UTS2: variants seen among roughly 807,000 people sequenced by gnomAD.
UTS2 encodes the protein urotensin 2, also known as urotensin-2.
Under a neutral mutation model 12.6 loss-of-function variants are expected in UTS2, and 10 were observed. The ratio of observed to expected loss-of-function variants is 0.80; its 90% confidence interval spans 0.49 to 1.35. The LOEUF (loss-of-function observed/expected upper bound fraction) is 1.35, where lower values mean the gene tolerates loss of function less well. Among genes scored for constraint, UTS2 ranks in the 40% most tolerant of loss-of-function variants. The pLI is 0.00. For missense variants in UTS2, 142 were observed against 143.2 expected (o/e 0.99, Z 0.04); for synonymous variants, 52 against 50.0 (o/e 1.04, Z -0.17).
the UTS2 span, among the ~76,000 whole-genome samples, chr1:7,911,384 G>A: frequency 6.6e-6 from 1 of 151,720 alleles, no homozygotes. Context: ...GCATTTACTG[G>A]GTGCTTGATT....
At chr1:7,905,916 G>A in the UTS2 span, among the ~76,000 whole-genome samples, 5 of 152,086 alleles carry the variant, frequency 3.3e-5, no homozygotes, top group South Asian at 2.1e-4. Flanking sequence ...GTGTCTTGCC[G>A]GGTGAGGGGT....
the UTS2 span, among the ~76,000 whole-genome samples, chr1:7,870,491 C>T: frequency 6.6e-6 from 1 of 152,206 alleles, no homozygotes; most frequent in East Asian, 1.9e-4. Context: ...AGACAGTATC[C>T]TTCACACTTC....
intron 2 of UTS2, among the ~76,000 whole-genome samples, chr1:7,849,970 A>ATTT (rs35419840): frequency 1.4e-4 from 20 of 140,578 alleles, no homozygotes; most frequent in Admixed American, 2.2e-4. Context: ...AAAGGCTCAA[A>ATTT]TTTTTTTTTT....
At chr1:7,852,579 A>T (rs1223826532) in intron 1 of UTS2, among the ~76,000 whole-genome samples, 2 of 152,216 alleles carry the variant, frequency 1.3e-5, no homozygotes, top group African/African-American at 4.8e-5. Flanking sequence ...AAAAACTAAA[A>T]GTAATGATGT....
the UTS2 span, among the ~76,000 whole-genome samples, chr1:7,889,992 G>A: frequency 0.24 from 36,880 of 151,728 alleles, 5,085 homozygotes; most frequent in African/African-American, 0.36. Context: ...GCTTGAACCC[G>A]GGAGGCGGAT....
At chr1:7,911,957 T>C in the UTS2 span, among the ~76,000 whole-genome samples, 1 of 151,828 alleles carries the variant, frequency 6.6e-6, no homozygotes, top group African/African-American at 2.4e-5. Context: ...GCTTGTTATA[T>C]ACCTTAAATA....
the UTS2 span, among the ~76,000 whole-genome samples, chr1:7,874,736 G>T: frequency 2.6e-5 from 4 of 152,004 alleles, no homozygotes; most frequent in Non-Finnish European, 5.9e-5. Context: ...CTCATCTCCA[G>T]TTGTAATCCA....
chr1:7,879,556 T>A, the UTS2 span, among the ~76,000 whole-genome samples: 2 of 152,054 alleles, frequency 1.3e-5, no homozygotes, highest in Admixed American at 1.3e-4. Context: ...GCCTATCCAA[T>A]ATGGAGACAC....
chr1:7,852,153 T>G (rs1015513446), intron 1 of UTS2, among the ~76,000 whole-genome samples: 3 of 134,888 alleles, frequency 2.2e-5, no homozygotes, highest in East Asian at 5.0e-4. Flanking sequence ...GGTTTGTTTG[T>G]TTTTTTTCTT....
the UTS2 span, among the ~76,000 whole-genome samples, chr1:7,899,308 CAG>C: frequency 1.3e-5 from 2 of 152,166 alleles, no homozygotes; most frequent in Non-Finnish European, 2.9e-5. Flanking sequence ...AGAAAGAAAA[CAG>C]AGGCCTGAGG....
chr1:7,864,397 C>T, the UTS2 span, among the ~76,000 whole-genome samples: 1 of 152,162 alleles, frequency 6.6e-6, no homozygotes, highest in Non-Finnish European at 1.5e-5. Context: ...TCCTCTGTCC[C>T]TCCCAAAGCA....
At chr1:7,879,614 G>A in the UTS2 span, among the ~76,000 whole-genome samples, 26 of 151,984 alleles carry the variant, frequency 1.7e-4, no homozygotes, top group African/African-American at 5.1e-4. Flanking sequence ...GGTGGCACAC[G>A]CTTGTAGTTC....
chr1:7,872,115 C>T, the UTS2 span, among the ~76,000 whole-genome samples: 1 of 151,718 alleles, frequency 6.6e-6, no homozygotes, highest in African/African-American at 2.4e-5. Context: ...TCCTGGCTAA[C>T]ATGGTGAAAC....
At chr1:7,902,850 G>C in the UTS2 span, among the ~76,000 whole-genome samples, 53 of 152,258 alleles carry the variant, frequency 3.5e-4, no homozygotes, top group Non-Finnish European at 6.8e-4. Flanking sequence ...CTGAAGAAGA[G>C]GCCTAAATTA....
chr1:7,900,828 T>C, the UTS2 span, among the ~76,000 whole-genome samples: 2 of 152,228 alleles, frequency 1.3e-5, no homozygotes, highest in East Asian at 3.9e-4. Flanking sequence ...TCTTTTACTG[T>C]CCTTGCCTGG....
upstream of UTS2, chr1:7,853,467 A>G (rs2097416281): frequency 6.2e-7 from 1 of 1,601,936 alleles, no homozygotes; most frequent in African/African-American, 1.3e-5. Flanking sequence ...ATGAGTTGCC[A>G]TGCTGTGTTT....
At chr1:7,885,039 TCCAC>T in the UTS2 span, among the ~76,000 whole-genome samples, 1 of 144,342 alleles carries the variant, frequency 6.9e-6, no homozygotes, top group Non-Finnish European at 1.5e-5. Flanking sequence ...CACCCATCCA[TCCAC>T]CCACTCATTC....
the UTS2 span, among the ~76,000 whole-genome samples, chr1:7,887,590 T>G: frequency 1.3e-4 from 6 of 44,922 alleles, no homozygotes; most frequent in Non-Finnish European, 2.3e-4. Flanking sequence ...ACCCAGTCTC[T>G]ACAAAAAAAA....
chr1:7,857,334 A>G (rs545641596), upstream of UTS2, among the ~76,000 whole-genome samples: 8 of 152,178 alleles, frequency 5.3e-5, no homozygotes, highest in East Asian at 1.2e-3. Context: ...CTGTAATTCA[A>G]CCTTTTGGCC....
Sources: allele counts gnomAD v4.1 joint callset (sites outside exome capture counted in the v4.1 genomes callset), GRCh38; gene constraint gnomAD v4.1.1; transcripts MANE v1.5; gene names NCBI Gene and HGNC (gene_info 2026-07-23, HGNC 2026-07-21).